The following HDLBP variants were observed in gnomAD, a reference collection of about 807,000 sequenced individuals.
HDLBP encodes vigilin.
In HDLBP, 30 loss-of-function variants were observed where a neutral mutation model predicts 137.3. The observed-to-expected ratio is 0.22, with a 90% CI of 0.16 to 0.30. HDLBP has a LOEUF of 0.30. Ranked by LOEUF, HDLBP falls within the 10% of genes least tolerant of loss-of-function variation. The pLI, the probability that HDLBP is intolerant of heterozygous loss-of-function variation, is 1.00. For missense variants in HDLBP, 1,119 were observed against 1,667.3 expected (o/e 0.67, Z 5.73); for synonymous variants, 606 against 596.0 (o/e 1.02, Z -0.24).
In HDLBP at chr2:241,236,688, G is replaced by A; in HGVS notation, c.2831C>T (p.Ser944Phe). The A allele has an allele frequency of 6.2e-7, 1 of 1,614,152 alleles. No individual in the cohort carries two copies. Among genetic ancestry groups the A allele is most frequent in the Non-Finnish European group, 8.5e-7 (1 of 1,180,008 alleles). ...GREAKDCDPG[S>F]PRRCDIIIIS... ...GATGATGATGTCACACCTCCTTGGA[G>A]AGCCGGGGTCACAATCTTTAGCCTC... The change falls in exon 21 of 28, where the codon TCT becomes TTT. Residue 944 changes from serine (S) to phenylalanine (F), a missense_variant. Transcript: ENST00000310931.
intron 5 of HDLBP, among the ~76,000 whole-genome samples, chr2:241,260,477 G>A (rs191973565): frequency 1.2e-4 from 18 of 151,456 alleles, no homozygotes; most frequent in East Asian, 3.9e-4. Context: ...TCGCCGGAGC[G>A]CCAAAGAATC....
chr2:241,250,829 T>A (rs1395308298), intron 11 of HDLBP: 1 of 151,800 alleles, frequency 6.6e-6, no homozygotes, highest in African/African-American at 2.4e-5. Flanking sequence ...GGGCAGCAGG[T>A]TTTTTTAGAT....
chr2:241,284,016 T>A (rs994836386), intron 1 of HDLBP, among the ~76,000 whole-genome samples: 1 of 138,248 alleles, frequency 7.2e-6, no homozygotes, highest in Admixed American at 7.9e-5. Flanking sequence ...ACCGTTAAGA[T>A]CTACTGCCCA....
Position 241,238,457 on chromosome 2 carries a change from CTCT to C in HDLBP, c.2749+189_2749+191del, listed in dbSNP as rs2070821654. 6.7e-6 allele frequency: 3 copies of C among 446,268 alleles called. No homozygotes were observed. The East Asian group carries it at 9.8e-5, about 15-fold the overall frequency. The allele number at this position is 446,268 out of a possible 1,614,324, so 27.6% of individuals were successfully genotyped here. ...AGGACCTATGAAGGTCACCTGGTCA[CTCT>C]GTCAGTAACTGACGTGGTCCATCTT... On this transcript the variant is annotated intron_variant, in intron 20 of 27. Transcript: ENST00000310931. The surrounding 1 kb of genome is among the most constrained non-coding windows in gnomAD (Gnocchi z 4.9).
chr2:241,297,994 G>A (rs917266762), intron 1 of HDLBP, among the ~76,000 whole-genome samples: 1 of 135,284 alleles, frequency 7.4e-6, no homozygotes, highest in African/African-American at 2.7e-5. Context: ...GTTGCAGTGA[G>A]CCGAGAGCTC....
chr2:241,236,583 C>CG (rs558291553), intron 21 of HDLBP, 32 bp downstream of exon 21: 30 of 1,607,476 alleles, frequency 1.9e-5, no homozygotes, highest in Non-Finnish European at 2.3e-5. Context: ...TGGGCCTTGG[C>CG]GGGGGGTGGA....
chr2:241,304,374 G>A (rs966989936), intron 1 of HDLBP, among the ~76,000 whole-genome samples: 2 of 152,196 alleles, frequency 1.3e-5, no homozygotes, highest in African/African-American at 4.8e-5. Context: ...CATGAATTCA[G>A]GGAAGTGGCT....
In HDLBP at chr2:241,230,567, C is replaced by T. The variant is rs546396238; in HGVS notation, c.3474+192G>A. On this transcript the variant is annotated intron_variant, in intron 25 of 27. Coordinates refer to ENST00000310931, the MANE Select transcript of HDLBP (RefSeq NM_005336.6). This position sits in a 1 kb window ranked among gnomAD's most constrained non-coding sequence, Gnocchi z 5.0. Reference sequence around the variant, plus strand: ...AAGGAGATGCCCTCCTAATGGCCACCGTGGCAGTGCAGCCTCACACAGGCC... The same window carrying T: ...AAGGAGATGCCCTCCTAATGGCCACTGTGGCAGTGCAGCCTCACACAGGCC... Among the ~76,000 whole-genome samples the T allele has an allele frequency of 4.6e-5, 7 of 152,350 alleles. No homozygotes were observed. The highest frequency in any genetic ancestry group is 4.8e-5 in the African/African-American group (2 of 41,580).
chr2:241,254,607 C>G (rs1035384551), intron 9 of HDLBP, among the ~76,000 whole-genome samples: 5 of 151,976 alleles, frequency 3.3e-5, no homozygotes, highest in African/African-American at 1.2e-4. Context: ...GCCTCAGCCT[C>G]CCAAGCAGCT....
intron 1 of HDLBP, chr2:241,273,503 G>C: frequency 1.3e-6 from 1 of 763,804 alleles, no homozygotes; most frequent in Non-Finnish European, 1.6e-6. Flanking sequence ...CCTACTCTCG[G>C]GGTCTCCACC....
Position 241,293,575 on chromosome 2 carries a change from G to C in HDLBP, c.-103+21995C>G, listed in dbSNP as rs181473544. On this transcript the variant is annotated intron_variant, in intron 1 of 27. Coordinates refer to ENST00000310931, the MANE Select transcript of HDLBP (RefSeq NM_005336.6). Reference sequence around the variant, plus strand: ...TGCAGTGAGCCATGATTGCACCACTGAACTCCAGCCTGGGTGACAGAGCGA... The same window carrying C: ...TGCAGTGAGCCATGATTGCACCACTCAACTCCAGCCTGGGTGACAGAGCGA... Among the ~76,000 whole-genome samples the C allele has an allele frequency of 7.3e-5, 11 of 150,792 alleles. No individual in the cohort carries two copies. The East Asian group carries it at 2.2e-3, about 30-fold the overall frequency.
chr2:241,235,645 C>T (rs145004603), intron 21 of HDLBP, 51 bp from the exon 22 acceptor site: 94 of 1,320,956 alleles, frequency 7.1e-5, no homozygotes, highest in African/African-American at 1.0e-4. Flanking sequence ...AGCAGAGTGA[C>T]GTTGTAAGCT....
rs1198517023 is a variant in HDLBP at position 241,236,155 on chromosome 2, G to A, written c.2904+460C>T. 1.0e-4 allele frequency: 20 copies of A among 198,738 alleles called. No homozygotes were observed. The Admixed American group carries it at 1.0e-3, about 10-fold the overall frequency. The allele number at this position is 198,738 out of a possible 1,614,324, so 12.3% of individuals were successfully genotyped here. Reference sequence around the variant, plus strand: ...CTGCGTTGACTGCTTGTCTCTCCACGGCAACGTGAGAACTATTTTTGTGTG... The same window carrying A: ...CTGCGTTGACTGCTTGTCTCTCCACAGCAACGTGAGAACTATTTTTGTGTG... On this transcript the variant is annotated intron_variant, in intron 21 of 27. Coordinates refer to ENST00000310931, the MANE Select transcript of HDLBP (RefSeq NM_005336.6).
chr2:241,305,274 T>A (rs1193401725), intron 1 of HDLBP, among the ~76,000 whole-genome samples: 7 of 152,148 alleles, frequency 4.6e-5, no homozygotes, highest in Non-Finnish European at 8.8e-5. Context: ...CAGGCATGTG[T>A]CACTACACCC....
At chr2:241,249,798 G>C in intron 12 of HDLBP, 43 bp downstream of exon 12, 2 of 1,549,916 alleles carry the variant, frequency 1.3e-6, no homozygotes, top group Non-Finnish European at 1.7e-6. Context: ...GCCAAGAGAC[G>C]CAAGGCCAGT....
chr2:241,278,203 T>C (rs1356898115), intron 1 of HDLBP, among the ~76,000 whole-genome samples: 1 of 152,112 alleles, frequency 6.6e-6, no homozygotes, highest in African/African-American at 2.4e-5. Context: ...AATCCAGTAA[T>C]GTGGGGGGGT....
intron 1 of HDLBP, among the ~76,000 whole-genome samples, chr2:241,309,022 G>A (rs183762461): frequency 6.6e-6 from 1 of 152,110 alleles, no homozygotes; most frequent in East Asian, 1.9e-4. Flanking sequence ...TCCTGCCCCC[G>A]TGCTTTTCAC....
At chr2:241,266,696 CA>C in intron 3 of HDLBP, 97 bp downstream of exon 3, 1 of 850,040 alleles carries the variant, frequency 1.2e-6, no homozygotes, top group South Asian at 1.5e-5. Context: ...ACCACAGGGC[CA>C]AAAGGTACTT....
At chr2:241,310,162 A>G (rs1057051108) in intron 1 of HDLBP, among the ~76,000 whole-genome samples, 14 of 152,356 alleles carry the variant, frequency 9.2e-5, no homozygotes, top group African/African-American at 3.4e-4. Flanking sequence ...GAGATACCAC[A>G]TTCATGAAAC....
Sources: gnomAD v4.1 joint callset for allele counts (sites outside exome capture counted in the v4.1 genomes callset) on GRCh38, gnomAD v4.1.1 for gene constraint, Gnocchi (gnomAD v3.1) non-coding constraint, MANE v1.5 for transcripts, NCBI Gene and HGNC (gene_info 2026-07-23, HGNC 2026-07-21) for gene names.